The following RERE variants were observed in gnomAD, a reference collection of about 807,000 sequenced individuals.
RERE encodes arginine-glutamic acid dipeptide repeats protein.
In RERE, 40 loss-of-function variants were observed where a neutral mutation model predicts 146.1. That is an observed-to-expected ratio of 0.27 (90% CI 0.21 to 0.36). The LOEUF (loss-of-function observed/expected upper bound fraction) is 0.36, where lower values mean the gene tolerates loss of function less well. RERE is among the 10% of genes least tolerant of loss of function. The pLI is 1.00. For missense variants in RERE, 1,933 were observed against 2,138.7 expected, an observed-to-expected ratio of 0.90 and a Z score of 1.90; for synonymous variants, 1,003 against 866.0, an observed-to-expected ratio of 1.16 and a Z score of -2.78.
chr1:8,540,830 A>C (rs1405954432), intron 7 of RERE, among the ~76,000 whole-genome samples: 1 of 152,172 alleles, frequency 6.6e-6, no homozygotes, highest in South Asian at 2.1e-4. Context: ...ACTTTCCAAA[A>C]TTACTTAGTC....
chr1:8,781,793 A>G (rs1641170694), intron 1 of RERE, among the ~76,000 whole-genome samples: 1 of 151,894 alleles, frequency 6.6e-6, no homozygotes, highest in African/African-American at 2.4e-5. Context: ...ACACATAGGA[A>G]TTCTCATTCC....
At chr1:8,731,244 G>A (rs1256710955) in intron 1 of RERE, among the ~76,000 whole-genome samples, 1 of 152,132 alleles carries the variant, frequency 6.6e-6, no homozygotes, top group East Asian at 1.9e-4. Context: ...TTTACCTCCA[G>A]GAGCCTGAAC....
At chr1:8,755,267 T>A (rs761021745) in intron 1 of RERE, among the ~76,000 whole-genome samples, 11 of 152,206 alleles carry the variant, frequency 7.2e-5, no homozygotes, top group Non-Finnish European at 1.2e-4. Context: ...AGTCAAAACA[T>A]CTGGTGCACC....
At chr1:8,802,119 C>A (rs1641601531) in intron 1 of RERE, among the ~76,000 whole-genome samples, 2 of 152,170 alleles carry the variant, frequency 1.3e-5, no homozygotes, top group African/African-American at 4.8e-5. Flanking sequence ...CATTTGAACA[C>A]ATGAAGCTAT....
intron 11 of RERE, among the ~76,000 whole-genome samples, chr1:8,432,805 A>C (rs1468673636): frequency 6.6e-6 from 1 of 152,186 alleles, no homozygotes. Context: ...ATTTCTAATC[A>C]ATGTTAGATT....
chr1:8,717,094 T>G (rs2124467904), intron 1 of RERE, among the ~76,000 whole-genome samples: 1 of 152,344 alleles, frequency 6.6e-6, no homozygotes, highest in East Asian at 1.9e-4. Flanking sequence ...GTAACAGCTT[T>G]TAAAAGAAGC....
intron 12 of RERE, among the ~76,000 whole-genome samples, chr1:8,376,344 G>C (rs1040231288): frequency 1.3e-5 from 2 of 152,162 alleles, no homozygotes; most frequent in African/African-American, 4.8e-5. Flanking sequence ...GCTCAGGGTA[G>C]AGCCCCCATC....
chr1:8,773,193 G>T (rs892651314), intron 1 of RERE, among the ~76,000 whole-genome samples: 1 of 152,136 alleles, frequency 6.6e-6, no homozygotes, highest in African/African-American at 2.4e-5. Flanking sequence ...ACCAAAGAAA[G>T]TTTTTGAGAA....
chr1:8,658,921 T>C (rs914841053), intron 1 of RERE, among the ~76,000 whole-genome samples: 2 of 152,058 alleles, frequency 1.3e-5, no homozygotes, highest in Admixed American at 1.3e-4. Flanking sequence ...TTCAGCAAAA[T>C]AGAAAGTATT....
chr1:8,493,419 A>T (rs2124226265), intron 10 of RERE, among the ~76,000 whole-genome samples: 1 of 152,330 alleles, frequency 6.6e-6, no homozygotes, highest in Non-Finnish European at 1.5e-5. Flanking sequence ...ACATTCTCTT[A>T]TTTACAGAAT....
At chr1:8,815,668 G>C (rs1054113763) in intron 1 of RERE, among the ~76,000 whole-genome samples, 1 of 152,154 alleles carries the variant, frequency 6.6e-6, no homozygotes, top group Admixed American at 6.6e-5. Context: ...CCAGGCATGA[G>C]ATGGGTGGAA....
intron 1 of RERE, among the ~76,000 whole-genome samples, chr1:8,761,839 T>C (rs750239128): frequency 7.9e-5 from 12 of 152,080 alleles, no homozygotes; most frequent in Non-Finnish European, 1.8e-4. Flanking sequence ...GGAGACTCAC[T>C]TAAACCCAAG....
chr1:8,527,072 T>A (rs1362798487), intron 7 of RERE, among the ~76,000 whole-genome samples: 1 of 152,224 alleles, frequency 6.6e-6, no homozygotes, highest in Non-Finnish European at 1.5e-5. Flanking sequence ...GTCCTCAAGA[T>A]TCCTACAGTG....
intron 1 of RERE, among the ~76,000 whole-genome samples, chr1:8,763,334 T>C (rs1168380273): frequency 1.3e-5 from 2 of 152,122 alleles, no homozygotes; most frequent in African/African-American, 4.8e-5. Flanking sequence ...TTCCATGCAG[T>C]ATTAAAAATG....
chr1:8,461,809 A>G (rs1204602199), intron 11 of RERE, among the ~76,000 whole-genome samples: 1 of 152,144 alleles, frequency 6.6e-6, no homozygotes, highest in East Asian at 1.9e-4. Context: ...AAGAAGAAAG[A>G]GTTTAATGTG....
intron 10 of RERE, among the ~76,000 whole-genome samples, chr1:8,494,829 T>C (rs923117922): frequency 6.6e-6 from 1 of 152,364 alleles, no homozygotes; most frequent in Middle Eastern, 3.4e-3. Context: ...GGTGCTATTA[T>C]TAGGATCTCA....
chr1:8,377,220 C>T (rs566025127), intron 12 of RERE, among the ~76,000 whole-genome samples: 32 of 152,328 alleles, frequency 2.1e-4, no homozygotes, highest in Admixed American at 7.8e-4. Context: ...GCCTGGAAGC[C>T]CTGGGCAGTT....
chr1:8,569,525 A>T (rs1267647917), intron 4 of RERE, among the ~76,000 whole-genome samples: 1 of 152,154 alleles, frequency 6.6e-6, no homozygotes, highest in African/African-American at 2.4e-5. Context: ...TATAAGTAAG[A>T]CTTACCAACT....
chr1:8,577,306 C>T (rs950402721), intron 4 of RERE, among the ~76,000 whole-genome samples: 4 of 152,090 alleles, frequency 2.6e-5, no homozygotes, highest in African/African-American at 9.7e-5. Flanking sequence ...CCTTTGCTCT[C>T]TCTCTCTCCC....
Sources: gnomAD v4.1 joint callset for allele counts (sites outside exome capture counted in the v4.1 genomes callset) on GRCh38, gnomAD v4.1.1 for gene constraint, MANE v1.5 for transcripts, NCBI Gene and HGNC (gene_info 2026-07-23, HGNC 2026-07-21) for gene names.